SHOC2: variants seen among roughly 807,000 people sequenced by gnomAD.
SHOC2 encodes the protein leucine-rich repeat protein SHOC-2.
Under a neutral mutation model 50.2 loss-of-function variants are expected in SHOC2, and 4 were observed. The observed-to-expected ratio is 0.08, with a 90% CI of 0.04 to 0.18. The LOEUF is 0.18. SHOC2 is among the 10% of genes least tolerant of loss of function. SHOC2 has a pLI of 1.00. For synonymous variants in SHOC2, 218 were observed against 244.5 expected, an observed-to-expected ratio of 0.89 and a Z score of 1.01; for missense variants, 388 against 669.6, an observed-to-expected ratio of 0.58 and a Z score of 4.64.
rs145153355 is a variant in SHOC2 at position 110,998,292 on chromosome 10, C to A, written c.842-2123C>A. 4.4e-3 allele frequency among the ~76,000 whole-genome samples: 664 copies of A among 152,234 alleles called. 7 individuals carry two copies. The highest frequency in any genetic ancestry group is 0.016 in the African/African-American group (646 of 41,544). On this transcript the variant is annotated intron_variant, in intron 3 of 8. Coordinates refer to ENST00000369452, the MANE Select transcript of SHOC2 (RefSeq NM_007373.4). ...GGGATTACAGGTGTGAGCCACCATGCCTGGCCTAACGCAGTGATAGCAATA... is the reference window on the plus strand; with the variant it reads ...GGGATTACAGGTGTGAGCCACCATGACTGGCCTAACGCAGTGATAGCAATA...
intron 1 of SHOC2, among the ~76,000 whole-genome samples, chr10:110,955,212 T>G (rs1425278156): frequency 6.6e-6 from 1 of 152,090 alleles, no homozygotes; most frequent in African/African-American, 2.4e-5. Context: ...ACAAGGTAGT[T>G]CAAGAGAGAG....
At chr10:110,952,645 G>A (rs1175486663) in intron 1 of SHOC2, among the ~76,000 whole-genome samples, 2 of 151,788 alleles carry the variant, frequency 1.3e-5, no homozygotes, top group South Asian at 4.1e-4. Flanking sequence ...TTGCTGCATC[G>A]ATCAACCTGT....
chr10:110,958,282 T>A (rs972885452), intron 1 of SHOC2, among the ~76,000 whole-genome samples: 2 of 151,994 alleles, frequency 1.3e-5, no homozygotes, highest in Non-Finnish European at 2.9e-5. Flanking sequence ...TGGTGCGATC[T>A]TGGCTCACTG....
At chr10:110,929,494 GA>G (rs1163343386) in intron 1 of SHOC2, among the ~76,000 whole-genome samples, 1 of 152,102 alleles carries the variant, frequency 6.6e-6, no homozygotes, top group Non-Finnish European at 1.5e-5. Flanking sequence ...TTATCTGCTT[GA>G]ACTGCTATAA....
At chr10:111,008,096 T>C (rs1006653489) in intron 6 of SHOC2, among the ~76,000 whole-genome samples, 7 of 149,336 alleles carry the variant, frequency 4.7e-5, no homozygotes, top group African/African-American at 1.7e-4. Flanking sequence ...GTAAATCTGG[T>C]ATGCCTATTT....
At chr10:110,986,745 G>A (rs1161951443) in intron 3 of SHOC2, among the ~76,000 whole-genome samples, 1 of 152,070 alleles carries the variant, frequency 6.6e-6, no homozygotes, top group African/African-American at 2.4e-5. Context: ...CAAATTGCTG[G>A]GATTACAGGC....
chr10:110,995,237 G>T (rs985602576), intron 3 of SHOC2, among the ~76,000 whole-genome samples: 3 of 152,176 alleles, frequency 2.0e-5, no homozygotes, highest in Admixed American at 6.5e-5. Flanking sequence ...CACTTACTGG[G>T]TTTTCAGTCT....
chr10:111,007,756 A>T, intron 6 of SHOC2, 103 bp downstream of exon 6: 1 of 1,179,776 alleles, frequency 8.5e-7, no homozygotes, highest in East Asian at 2.4e-5. Flanking sequence ...TGAATGTCAT[A>T]ATTAGAAATG....
At chr10:110,928,365 G>A (rs1256226816) in intron 1 of SHOC2, among the ~76,000 whole-genome samples, 1 of 151,992 alleles carries the variant, frequency 6.6e-6, no homozygotes, top group East Asian at 1.9e-4. Flanking sequence ...TTCAGCCTAT[G>A]AGAACCAGAT....
At chr10:110,959,084 GA>G (rs1847524985) in intron 1 of SHOC2, among the ~76,000 whole-genome samples, 2 of 151,936 alleles carry the variant, frequency 1.3e-5, no homozygotes, top group South Asian at 2.1e-4. Context: ...AATGATATTA[GA>G]AAAAAATGAA....
chr10:111,004,852 T>A, intron 5 of SHOC2, 58 bp downstream of exon 5: 2 of 1,178,410 alleles, frequency 1.7e-6, no homozygotes, highest in East Asian at 2.4e-5. Flanking sequence ...CTTCCACTAA[T>A]ATTTATGTTT....
chr10:110,967,912 T>G (rs546646418), intron 2 of SHOC2, among the ~76,000 whole-genome samples: 15 of 152,342 alleles, frequency 9.8e-5, no homozygotes, highest in African/African-American at 3.6e-4. Context: ...CTGACTGTTA[T>G]GAGTATAGTT....
chr10:110,990,145 C>T (rs1007288073), intron 3 of SHOC2, among the ~76,000 whole-genome samples: 3 of 152,268 alleles, frequency 2.0e-5, no homozygotes, highest in Non-Finnish European at 4.4e-5. Context: ...CTGAGGAAGG[C>T]GAGCGCATGG....
intron 2 of SHOC2, among the ~76,000 whole-genome samples, chr10:110,980,285 T>C (rs916774852): frequency 6.6e-6 from 1 of 151,744 alleles, no homozygotes; most frequent in African/African-American, 2.4e-5. Flanking sequence ...GCCTCCCGAG[T>C]AGCTGGGACT....
intron 1 of SHOC2, among the ~76,000 whole-genome samples, chr10:110,925,143 T>G (rs890565404): frequency 6.0e-5 from 9 of 151,240 alleles, no homozygotes; most frequent in Non-Finnish European, 1.0e-4. Flanking sequence ...TTATGTATCA[T>G]GTTAAGAGTA....
At chr10:110,929,644 A>G (rs1386355346) in intron 1 of SHOC2, among the ~76,000 whole-genome samples, 1 of 152,208 alleles carries the variant, frequency 6.6e-6, no homozygotes, top group Non-Finnish European at 1.5e-5. Flanking sequence ...TTCCTGCTGT[A>G]TCTTCAGTTG....
chr10:110,924,049 T>C (rs753512683), intron 1 of SHOC2, among the ~76,000 whole-genome samples: 1 of 152,214 alleles, frequency 6.6e-6, no homozygotes, highest in African/African-American at 2.4e-5. Flanking sequence ...TTTTGTGTTG[T>C]ATAACACTTC....
At chr10:111,009,923 T>C in intron 8 of SHOC2, 93 bp downstream of exon 8, 1 of 798,988 alleles carries the variant, frequency 1.3e-6, no homozygotes. Flanking sequence ...TCTATTGTTT[T>C]TTAAACTGAG....
At chr10:110,924,953 C>G (rs1336884857) in intron 1 of SHOC2, among the ~76,000 whole-genome samples, 1 of 151,708 alleles carries the variant, frequency 6.6e-6, no homozygotes, top group Non-Finnish European at 1.5e-5. Context: ...CACCTTTAAT[C>G]CCAGCTACTC....
Sources: allele counts gnomAD v4.1 joint callset (sites outside exome capture counted in the v4.1 genomes callset), GRCh38; gene constraint gnomAD v4.1.1; transcripts MANE v1.5; gene names NCBI Gene and HGNC (gene_info 2026-07-23, HGNC 2026-07-21).